Variants in TAS2R1 observed in about 807,000 individuals in gnomAD.
TAS2R1 encodes taste 2 receptor member 1.
For missense variants in TAS2R1, 370 were observed against 353.4 expected, an observed-to-expected ratio of 1.05 and a Z score of -0.38; for synonymous variants, 141 against 134.2, an observed-to-expected ratio of 1.05 and a Z score of -0.35.
the TAS2R1 span, among the ~76,000 whole-genome samples, chr5:9,897,056 C>T: frequency 6.6e-6 from 1 of 152,186 alleles, no homozygotes; most frequent in African/African-American, 2.4e-5. Context: ...GGAAAAATGG[C>T]TACTTACCCA....
At chr5:9,891,821 C>T in the TAS2R1 span, among the ~76,000 whole-genome samples, 2 of 152,186 alleles carry the variant, frequency 1.3e-5, no homozygotes, top group South Asian at 2.1e-4. Flanking sequence ...CCCCAAGCCA[C>T]CAAAGCACTT....
intron 1 of TAS2R1, among the ~76,000 whole-genome samples, chr5:9,709,002 G>A (rs1741678132): frequency 6.6e-6 from 1 of 152,086 alleles, no homozygotes; most frequent in African/African-American, 2.4e-5. Flanking sequence ...AGAAACCAGG[G>A]AAGTGAGAGT....
intron 2 of TAS2R1, among the ~76,000 whole-genome samples, chr5:9,635,981 G>A (rs1739956416): frequency 6.6e-6 from 1 of 151,642 alleles, no homozygotes; most frequent in African/African-American, 2.4e-5. Context: ...TGCCAGGTTT[G>A]GGGTTTGTTT....
the TAS2R1 span, among the ~76,000 whole-genome samples, chr5:9,889,234 T>C: frequency 6.6e-6 from 1 of 152,136 alleles, no homozygotes; most frequent in Non-Finnish European, 1.5e-5. Context: ...AGTGCCCCCA[T>C]CTGCACCATG....
At chr5:9,850,813 CA>C in the TAS2R1 span, among the ~76,000 whole-genome samples, 1 of 152,196 alleles carries the variant, frequency 6.6e-6, no homozygotes, top group Non-Finnish European at 1.5e-5. Context: ...CAACCCCGTC[CA>C]AAGAGCAAAA....
chr5:9,695,134 C>G (rs1430731504), intron 1 of TAS2R1, among the ~76,000 whole-genome samples: 1 of 152,170 alleles, frequency 6.6e-6, no homozygotes, highest in Non-Finnish European at 1.5e-5. Flanking sequence ...CAGATTAAAA[C>G]AATTCAATCA....
chr5:9,790,951 ATTTG>A, the TAS2R1 span, among the ~76,000 whole-genome samples: 45 of 152,106 alleles, frequency 3.0e-4, no homozygotes, highest in Non-Finnish European at 5.1e-4. Flanking sequence ...ATAAAATAAT[ATTTG>A]TTTATCAGCT....
At chr5:9,724,085 T>C in the TAS2R1 span, among the ~76,000 whole-genome samples, 1 of 152,232 alleles carries the variant, frequency 6.6e-6, no homozygotes, top group Admixed American at 6.5e-5. Context: ...GAACAGCTCA[T>C]GTTTCAGTGT....
chr5:9,811,237 A>G, the TAS2R1 span, among the ~76,000 whole-genome samples: 1 of 152,226 alleles, frequency 6.6e-6, no homozygotes, highest in Admixed American at 6.5e-5. Flanking sequence ...GGTCCTCACC[A>G]GACACTGAAT....
chr5:9,855,421 G>A, the TAS2R1 span, among the ~76,000 whole-genome samples: 1 of 152,246 alleles, frequency 6.6e-6, no homozygotes, highest in African/African-American at 2.4e-5. Flanking sequence ...CAAAGGAGTT[G>A]ACAATGAGTC....
intron 1 of TAS2R1, among the ~76,000 whole-genome samples, chr5:9,681,014 A>G (rs928409078): frequency 1.3e-5 from 2 of 152,284 alleles, no homozygotes; most frequent in Middle Eastern, 3.4e-3. Flanking sequence ...ATGAGCTGAG[A>G]TCGTGCCACT....
At chr5:9,633,319 T>TATATATATATATATATATATATATATAC (rs1475834697), upstream of TAS2R1, among the ~76,000 whole-genome samples, 7 of 137,514 alleles carry the variant, frequency 5.1e-5, no homozygotes, top group East Asian at 2.4e-4. Context: ...TATATATATA[T>TATATATATATATATATATATATATATAC]ACACAAATGT....
At chr5:9,778,029 C>T in the TAS2R1 span, among the ~76,000 whole-genome samples, 7 of 152,026 alleles carry the variant, frequency 4.6e-5, no homozygotes, top group African/African-American at 1.4e-4. Context: ...TACAGGCGCC[C>T]GCCACCGCGC....
chr5:9,808,817 G>A, the TAS2R1 span, among the ~76,000 whole-genome samples: 3 of 152,120 alleles, frequency 2.0e-5, no homozygotes, highest in African/African-American at 4.8e-5. Flanking sequence ...CAAAGGATGG[G>A]GCTAACTCTC....
intron 2 of TAS2R1, among the ~76,000 whole-genome samples, chr5:9,642,362 G>T (rs1339866733): frequency 2.0e-5 from 3 of 152,120 alleles, no homozygotes; most frequent in African/African-American, 7.2e-5. Context: ...TATTTAATAA[G>T]ATCATTCAAA....
chr5:9,818,209 A>G, the TAS2R1 span, among the ~76,000 whole-genome samples: 1 of 152,134 alleles, frequency 6.6e-6, no homozygotes, highest in South Asian at 2.1e-4. Flanking sequence ...TTTAAATCAA[A>G]TTGTGTTATA....
chr5:9,879,001 C>T, the TAS2R1 span, among the ~76,000 whole-genome samples: 104 of 152,372 alleles, frequency 6.8e-4, no homozygotes, highest in Middle Eastern at 0.024. Context: ...CCTACCATCA[C>T]TAACTTCCAG....
the TAS2R1 span, among the ~76,000 whole-genome samples, chr5:9,754,161 T>C: frequency 3.9e-5 from 6 of 152,160 alleles, no homozygotes; most frequent in Non-Finnish European, 8.8e-5. Flanking sequence ...AAAAACCATA[T>C]GATTATCTCA....
rs2234234 is a variant in TAS2R1 at position 9,629,358 on chromosome 5, G to A, written c.675C>T (p.Ser225=). The A allele has an allele frequency of 3.6e-4, 576 of 1,614,006 alleles. 1 individual carries two copies. In the African/African-American group the frequency reaches 6.5e-3, roughly 18 times the overall value. The change falls in exon 1 of 1, where the codon AGC becomes AGT. Residue 225 remains serine, a synonymous_variant. Transcript: ENST00000382492. ...SRVPGRGAPI[S]ALLSILSFLI... Reference sequence around the variant, plus strand: ...GGAAGGACAGGATAGACAGCAACGCGCTGATGGGTGCACCCCTGCCAGGAA... The same window carrying A: ...GGAAGGACAGGATAGACAGCAACGCACTGATGGGTGCACCCCTGCCAGGAA...
Sources: gnomAD v4.1 joint callset for allele counts (sites outside exome capture counted in the v4.1 genomes callset) on GRCh38, gnomAD v4.1.1 for gene constraint, MANE v1.5 for transcripts, NCBI Gene and HGNC (gene_info 2026-07-23, HGNC 2026-07-21) for gene names.